SLAIN2: variants seen among roughly 807,000 people sequenced by gnomAD.
The protein encoded by SLAIN2 is SLAIN motif-containing protein 2.
A neutral mutation model predicts 56.6 loss-of-function variants in SLAIN2; 31 were observed. The ratio of observed to expected loss-of-function variants is 0.55; its 90% CI spans 0.41 to 0.74. The LOEUF is 0.74. Among genes scored for constraint, SLAIN2 ranks in the 30% least tolerant of loss-of-function variants. The pLI, the probability that SLAIN2 is intolerant of heterozygous loss-of-function variation, is 0.00. For synonymous variants in SLAIN2, 317 were observed against 284.9 expected (o/e 1.11, Z -1.13); for missense variants, 777 against 754.2 (o/e 1.03, Z -0.35).
intron 6 of SLAIN2, among the ~76,000 whole-genome samples, chr4:48,419,697 A>G (rs536029377): frequency 6.6e-6 from 1 of 152,326 alleles, no homozygotes; most frequent in African/African-American, 2.4e-5. Context: ...TAGAGCCTCC[A>G]GATACTTGAT....
At chr4:48,409,110 C>G (rs544792766) in intron 6 of SLAIN2, among the ~76,000 whole-genome samples, 1 of 152,230 alleles carries the variant, frequency 6.6e-6, no homozygotes, top group Admixed American at 6.5e-5. Flanking sequence ...TATTTTGATA[C>G]AGGCAAGCAA....
At chr4:48,348,469 C>G (rs1310703550) in intron 1 of SLAIN2, among the ~76,000 whole-genome samples, 2 of 152,102 alleles carry the variant, frequency 1.3e-5, no homozygotes, top group Admixed American at 6.5e-5. Flanking sequence ...AGACAGATCA[C>G]TTGAGGTCAG....
chr4:48,409,539 C>T (rs1252495716), intron 6 of SLAIN2, among the ~76,000 whole-genome samples: 1 of 152,188 alleles, frequency 6.6e-6, no homozygotes, highest in Non-Finnish European at 1.5e-5. Flanking sequence ...TTTTGTTTAT[C>T]CATTCATCAC....
At chr4:48,404,573 A>G (rs1361595139) in intron 6 of SLAIN2, among the ~76,000 whole-genome samples, 1 of 152,216 alleles carries the variant, frequency 6.6e-6, no homozygotes, top group African/African-American at 2.4e-5. Flanking sequence ...AATTTGGAGA[A>G]TGAGAGAAGA....
intron 2 of SLAIN2, among the ~76,000 whole-genome samples, chr4:48,372,041 T>TACATATATACATATATATATATACACAC (rs1715684368): frequency 1.5e-5 from 2 of 134,766 alleles, no homozygotes; most frequent in Non-Finnish European, 3.2e-5. Flanking sequence ...TATATACATA[T>TACATATATACATATATATATATACACAC]ACATATATAC....
intron 6 of SLAIN2, among the ~76,000 whole-genome samples, chr4:48,395,833 C>G (rs1472539049): frequency 1.6e-4 from 3 of 19,088 alleles, no homozygotes; most frequent in African/African-American, 7.1e-4. Context: ...TTTTTTGAGA[C>G]TTTTCAATAT....
chr4:48,357,983 G>A lies in SLAIN2; in HGVS notation c.390-11866G>A, dbSNP rs80008506. ...CACAGTATTGGAATTACAGGTGTGA[G>A]CCACCACGCCTGGCCCTATTAAAGT... On this transcript the variant is annotated intron_variant, in intron 1 of 7. Coordinates refer to ENST00000264313, the MANE Select transcript of SLAIN2 (RefSeq NM_020846.2). Among the ~76,000 whole-genome samples, 464 of 152,078 alleles carry A rather than the reference G, an allele frequency of 3.1e-3. 2 individuals carry two copies. The highest frequency in any genetic ancestry group is 4.6e-3 in the Non-Finnish European group (314 of 67,986).
At chr4:48,363,713 C>A (rs1288778926) in intron 1 of SLAIN2, among the ~76,000 whole-genome samples, 1 of 121,226 alleles carries the variant, frequency 8.2e-6, no homozygotes, top group Non-Finnish European at 1.9e-5. Context: ...GCGCCCCTCA[C>A]CTCCCAGACG....
chr4:48,352,273 A>G (rs1715033873), intron 1 of SLAIN2, among the ~76,000 whole-genome samples: 1 of 152,210 alleles, frequency 6.6e-6, no homozygotes, highest in African/African-American at 2.4e-5. Flanking sequence ...AATTCAAACC[A>G]AACTATTGAG....
At chr4:48,359,272 T>G (rs1265603036) in intron 1 of SLAIN2, among the ~76,000 whole-genome samples, 1 of 152,202 alleles carries the variant, frequency 6.6e-6, no homozygotes, top group African/African-American at 2.4e-5. Context: ...TGTACCTTAC[T>G]CAGTGAATAG....
chr4:48,398,809 G>A (rs1716474884), intron 6 of SLAIN2, among the ~76,000 whole-genome samples: 1 of 152,130 alleles, frequency 6.6e-6, no homozygotes, highest in South Asian at 2.1e-4. Flanking sequence ...GGCTGTAGAT[G>A]TGCAGTCTTA....
chr4:48,371,890 A>G (rs1342470090), intron 2 of SLAIN2, among the ~76,000 whole-genome samples: 3 of 152,020 alleles, frequency 2.0e-5, no homozygotes, highest in Admixed American at 6.6e-5. Context: ...GCAGTGAGCC[A>G]TGTTTGCACC....
intron 6 of SLAIN2, among the ~76,000 whole-genome samples, chr4:48,418,326 A>C (rs1717054093): frequency 6.6e-6 from 1 of 152,066 alleles, no homozygotes; most frequent in Non-Finnish European, 1.5e-5. Context: ...GAGGTTGAGG[A>C]AATTTTCCCT....
intron 1 of SLAIN2, among the ~76,000 whole-genome samples, chr4:48,346,407 G>T (rs1165572625): frequency 6.6e-6 from 1 of 151,892 alleles, no homozygotes; most frequent in East Asian, 1.9e-4. Context: ...TTTATCTTAG[G>T]TTTATGAAGA....
Position 48,369,858 on chromosome 4 carries a change from A to C in SLAIN2, c.399A>C (p.Ser133=). The change falls in exon 2 of 8, where the codon TCA becomes TCC. Residue 133 remains serine, a synonymous_variant. Transcript: ENST00000264313. The part of the protein sequence containing the change: ...WEEEEESWLY[S]SPKKKLTPMQ... The stretch of plus-strand genomic sequence containing the variant: ...TGTTGTCTTCTTCTAGGCTGTATTC[A>C]TCACCAAAGAAAAAACTTACACCAA... 6.2e-7 allele frequency: 1 copy of C among 1,613,122 alleles called. No individual in the cohort carries two copies. The highest frequency in any genetic ancestry group is 1.1e-5 in the South Asian group (1 of 90,860).
intron 6 of SLAIN2, among the ~76,000 whole-genome samples, chr4:48,388,863 C>A: frequency 6.6e-6 from 1 of 152,124 alleles, no homozygotes; most frequent in South Asian, 2.1e-4. Context: ...TTTAGCCAAA[C>A]AAAAGAATAT....
chr4:48,341,532 C>A lies in SLAIN2; in HGVS notation c.-208C>A. ...GGATATTGGCGCCGCCTCCCCCAAT[C>A]CCGGAGCCGGCGCAGATGAGGCAGT... On this transcript the variant is annotated 5_prime_UTR_variant, in exon 1 of 8. Transcript: ENST00000264313. The A allele has an allele frequency of 1.5e-6, 1 of 657,142 alleles. No homozygotes were observed. Among genetic ancestry groups the A allele is most frequent in the South Asian group, 3.5e-5 (1 of 28,790 alleles). 40.7% of individuals were successfully genotyped at this position (657,142 alleles called of 1,614,324 possible).
chr4:48,381,583 TG>T (rs887617856), intron 4 of SLAIN2, among the ~76,000 whole-genome samples: 80 of 152,338 alleles, frequency 5.3e-4, no homozygotes, highest in African/African-American at 1.9e-3. Context: ...AGTAACTTGT[TG>T]GTTACTATTT....
intron 6 of SLAIN2, among the ~76,000 whole-genome samples, chr4:48,399,440 C>A (rs954266343): frequency 2.0e-5 from 3 of 152,170 alleles, no homozygotes; most frequent in Admixed American, 6.5e-5. Flanking sequence ...AGAATAATGT[C>A]ATCTGCAAAC....
Sources: allele counts gnomAD v4.1 joint callset (sites outside exome capture counted in the v4.1 genomes callset), GRCh38; gene constraint gnomAD v4.1.1; transcripts MANE v1.5; gene names NCBI Gene and HGNC (gene_info 2026-07-23, HGNC 2026-07-21).